The following UNC5D variants were observed in gnomAD, a reference collection of about 807,000 sequenced individuals.
The protein encoded by UNC5D is unc-5 netrin receptor D.
In UNC5D, 39 loss-of-function variants were observed where a neutral mutation model predicts 105.4. That is an observed-to-expected ratio of 0.37 (90% confidence interval 0.29 to 0.48). UNC5D has a LOEUF of 0.48. Among genes scored for constraint, UNC5D ranks in the 20% least tolerant of loss-of-function variants. The pLI is 0.98. For synonymous variants in UNC5D, 452 were observed against 450.4 expected, an observed-to-expected ratio of 1.00 and a Z score of -0.04; for missense variants, 991 against 1,202.4, an observed-to-expected ratio of 0.82 and a Z score of 2.60.
At chr8:35,365,977 CAAG>C (rs1802099360) in intron 1 of UNC5D, among the ~76,000 whole-genome samples, 1 of 152,068 alleles carries the variant, frequency 6.6e-6, no homozygotes, top group South Asian at 2.1e-4. Flanking sequence ...TAAGACATAA[CAAG>C]AATTAAATCT....
chr8:35,458,664 G>A (rs567452036), intron 1 of UNC5D, among the ~76,000 whole-genome samples: 4 of 152,242 alleles, frequency 2.6e-5, no homozygotes, highest in African/African-American at 7.2e-5. Context: ...ACACATTCAG[G>A]GCCAGAGAGG....
intron 4 of UNC5D, among the ~76,000 whole-genome samples, chr8:35,664,966 TG>T (rs1473701738): frequency 3.3e-5 from 5 of 152,094 alleles, no homozygotes; most frequent in African/African-American, 7.2e-5. Flanking sequence ...CCCAAATAGC[TG>T]GGACTGCAGA....
chr8:35,380,092 G>GA (rs999269473), intron 1 of UNC5D, among the ~76,000 whole-genome samples: 2 of 102,636 alleles, frequency 1.9e-5, no homozygotes, highest in African/African-American at 7.4e-5. Flanking sequence ...GGGGGTGGGG[G>GA]GGGGGTCGGG....
intron 1 of UNC5D, among the ~76,000 whole-genome samples, chr8:35,541,531 C>T (rs1476577638): frequency 6.6e-6 from 1 of 152,188 alleles, no homozygotes; most frequent in Non-Finnish European, 1.5e-5. Context: ...TTAATCTCTG[C>T]ACATGGCATG....
At chr8:35,771,510 G>A (rs1802011359) in intron 15 of UNC5D, among the ~76,000 whole-genome samples, 1 of 152,174 alleles carries the variant, frequency 6.6e-6, no homozygotes, top group African/African-American at 2.4e-5. Flanking sequence ...CATTTTTAGA[G>A]ACTAGAAGAA....
At chr8:35,622,889 A>G (rs911034016) in intron 4 of UNC5D, among the ~76,000 whole-genome samples, 1 of 152,188 alleles carries the variant, frequency 6.6e-6, no homozygotes, top group Non-Finnish European at 1.5e-5. Context: ...GTCAGAGCTA[A>G]TGCATTCTTT....
intron 7 of UNC5D, among the ~76,000 whole-genome samples, chr8:35,697,253 T>C (rs1190293543): frequency 6.6e-6 from 1 of 151,594 alleles, no homozygotes; most frequent in East Asian, 1.9e-4. Flanking sequence ...CAGATATATA[T>C]GCACACACAT....
At chr8:35,675,389 G>A (rs76515848) in intron 4 of UNC5D, among the ~76,000 whole-genome samples, 1,750 of 152,256 alleles carry the variant, frequency 0.011, 30 homozygotes, top group African/African-American at 0.04. Context: ...TCCTTAGATG[G>A]GAGATACTTG....
chr8:35,262,381 C>G (rs893846953), intron 1 of UNC5D, among the ~76,000 whole-genome samples: 1 of 152,204 alleles, frequency 6.6e-6, no homozygotes, highest in East Asian at 1.9e-4. Context: ...GAATATTTGC[C>G]CAATAGGCAG....
chr8:35,585,180 C>A (rs1438871758), intron 3 of UNC5D, among the ~76,000 whole-genome samples: 1 of 152,134 alleles, frequency 6.6e-6, no homozygotes, highest in African/African-American at 2.4e-5. Context: ...TTATAAAATG[C>A]TTTATTGATA....
intron 1 of UNC5D, among the ~76,000 whole-genome samples, chr8:35,321,469 C>T (rs1426596574): frequency 6.6e-6 from 1 of 152,068 alleles, no homozygotes; most frequent in Admixed American, 6.6e-5. Context: ...TGTGTTTATT[C>T]CTTCTGCTGC....
chr8:35,628,028 G>A (rs1022347712), intron 4 of UNC5D, among the ~76,000 whole-genome samples: 4 of 152,132 alleles, frequency 2.6e-5, no homozygotes, highest in Admixed American at 6.5e-5. Context: ...TAGTCTGTAT[G>A]TGATGGATAA....
At chr8:35,738,185 T>C (rs1017117878) in intron 11 of UNC5D, among the ~76,000 whole-genome samples, 6 of 152,266 alleles carry the variant, frequency 3.9e-5, no homozygotes, top group African/African-American at 1.4e-4. Flanking sequence ...TCAGAAGTCT[T>C]GGGTTCCAAG....
chr8:35,411,115 C>T lies in UNC5D; in HGVS notation c.104-138177C>T, dbSNP rs183207661. ...ATAGAGATCACTGAAAACTAGATAA[C>T]AGGATAGTTTGAGAGGGGCACCTAG... On this transcript the variant is annotated intron_variant, in intron 1 of 16. Transcript: ENST00000404895. Among the ~76,000 whole-genome samples the T allele has an allele frequency of 3.2e-4, 48 of 152,068 alleles. No individual in the cohort carries two copies. In the East Asian group the frequency reaches 8.7e-3, roughly 28 times the overall value.
intron 1 of UNC5D, among the ~76,000 whole-genome samples, chr8:35,403,376 T>A (rs1187818134): frequency 6.6e-6 from 1 of 152,168 alleles, no homozygotes. Flanking sequence ...AGAGTTTCAG[T>A]CCTCCTCACC....
chr8:35,766,818 T>C, intron 14 of UNC5D, 84 bp from the exon 15 acceptor site: 2 of 1,405,428 alleles, frequency 1.4e-6, no homozygotes, highest in Admixed American at 2.3e-5. Flanking sequence ...ATCATCATCA[T>C]CATCATCACT....
chr8:35,567,437 T>C (rs559369817), intron 2 of UNC5D, among the ~76,000 whole-genome samples: 1 of 152,176 alleles, frequency 6.6e-6, no homozygotes, highest in Non-Finnish European at 1.5e-5. Context: ...GGAGGATTAC[T>C]TGAGGCCAGA....
chr8:35,623,266 T>C (rs1340655667), intron 4 of UNC5D, among the ~76,000 whole-genome samples: 1 of 152,190 alleles, frequency 6.6e-6, no homozygotes, highest in Non-Finnish European at 1.5e-5. Context: ...GTGTCAAGCT[T>C]TGAGTCATTT....
intron 4 of UNC5D, among the ~76,000 whole-genome samples, chr8:35,652,915 A>ATTTTTT (rs34611902): frequency 1.2e-4 from 6 of 49,158 alleles, no homozygotes; most frequent in African/African-American, 2.8e-4. Flanking sequence ...ACAAGTGAGG[A>ATTTTTT]TTTTTTTTTT....
Sources: gnomAD v4.1 joint callset for allele counts (sites outside exome capture counted in the v4.1 genomes callset) on GRCh38, gnomAD v4.1.1 for gene constraint, MANE v1.5 for transcripts, NCBI Gene and HGNC (gene_info 2026-07-23, HGNC 2026-07-21) for gene names.